CALN1: variants seen among roughly 807,000 people sequenced by gnomAD.
The protein encoded by CALN1 is calneuron 1.
In CALN1, 17 loss-of-function variants were observed where a neutral mutation model predicts 30.6. That is an observed-to-expected ratio of 0.56 (90% CI 0.38 to 0.83). CALN1 has a LOEUF of 0.83. Ranked by LOEUF, CALN1 falls within the 40% of genes least tolerant of loss-of-function variation. The pLI is 0.00. For synonymous variants in CALN1, 156 were observed against 131.4 expected, an observed-to-expected ratio of 1.19 and a Z score of -1.28; for missense variants, 291 against 354.9, an observed-to-expected ratio of 0.82 and a Z score of 1.45.
intron 5 of CALN1, among the ~76,000 whole-genome samples, chr7:72,011,312 T>G (rs1584739838): frequency 6.7e-6 from 1 of 149,316 alleles, no homozygotes. Context: ...TGGGAGGAGG[T>G]CAGGAGTGTG....
chr7:72,227,077 G>C (rs1266225305), intron 3 of CALN1, among the ~76,000 whole-genome samples: 1 of 151,932 alleles, frequency 6.6e-6, no homozygotes, highest in Non-Finnish European at 1.5e-5. Flanking sequence ...AATAGACATT[G>C]GGGAAACAGG....
At chr7:72,345,940 A>G (rs542445619) in intron 2 of CALN1, among the ~76,000 whole-genome samples, 4 of 152,320 alleles carry the variant, frequency 2.6e-5, no homozygotes, top group African/African-American at 4.8e-5. Context: ...CCGGAAAAAG[A>G]ACCGAATTAA....
intron 2 of CALN1, among the ~76,000 whole-genome samples, chr7:72,353,343 C>CA (rs1803044100): frequency 6.6e-6 from 1 of 151,938 alleles, no homozygotes; most frequent in African/African-American, 2.4e-5. Flanking sequence ...ATTAGCAAGC[C>CA]AAATCCAGCA....
intron 3 of CALN1, among the ~76,000 whole-genome samples, chr7:72,252,998 A>C (rs954662999): frequency 7.9e-5 from 12 of 152,108 alleles, no homozygotes; most frequent in Non-Finnish European, 1.5e-4. Flanking sequence ...TTATTGTCTC[A>C]TTTTTACAAG....
intron 2 of CALN1, among the ~76,000 whole-genome samples, chr7:72,377,089 T>C (rs1804605999): frequency 6.6e-6 from 1 of 152,240 alleles, no homozygotes; most frequent in South Asian, 2.1e-4. Context: ...TTGACTACTG[T>C]AGCCTTGTAG....
chr7:72,105,094 G>A (rs570095373), intron 4 of CALN1, among the ~76,000 whole-genome samples: 30 of 151,444 alleles, frequency 2.0e-4, no homozygotes, highest in Admixed American at 5.9e-4. Context: ...TTAGTTTGCC[G>A]AGGATAGTGG....
intron 5 of CALN1, among the ~76,000 whole-genome samples, chr7:71,933,698 GT>G (rs1406117020): frequency 6.6e-6 from 1 of 152,252 alleles, no homozygotes; most frequent in East Asian, 1.9e-4. Context: ...GCATTTCTAG[GT>G]TTTTATGTTC....
chr7:71,828,021 G>C (rs1265751669), intron 5 of CALN1, among the ~76,000 whole-genome samples: 1 of 152,080 alleles, frequency 6.6e-6, no homozygotes, highest in African/African-American at 2.4e-5. Flanking sequence ...TGTATCACTG[G>C]AGAACCAGAT....
chr7:72,351,226 G>T (rs1802902645), intron 2 of CALN1, among the ~76,000 whole-genome samples: 1 of 152,150 alleles, frequency 6.6e-6, no homozygotes, highest in African/African-American at 2.4e-5. Context: ...TTATAGGCCA[G>T]GAACAGTGGT....
chr7:72,029,357 G>A (rs949376948), intron 4 of CALN1, among the ~76,000 whole-genome samples: 14 of 152,112 alleles, frequency 9.2e-5, no homozygotes, highest in South Asian at 2.1e-4. Flanking sequence ...CTCGTGATCC[G>A]CCCACCTCAG....
At chr7:71,906,272 G>A (rs1160628553) in intron 5 of CALN1, among the ~76,000 whole-genome samples, 2 of 152,108 alleles carry the variant, frequency 1.3e-5, no homozygotes, top group Non-Finnish European at 1.5e-5. Context: ...GCAGCCGGGC[G>A]GAACTTTCCA....
At chr7:72,475,941 CTTTTTTTTTTTT>C in the CALN1 span, among the ~76,000 whole-genome samples, 5 of 75,850 alleles carry the variant, frequency 6.6e-5, no homozygotes, top group Admixed American at 6.8e-4. Flanking sequence ...CTCTCTCTCT[CTTTTTTTTTTTT>C]TTTTTTTTTT....
chr7:72,142,844 T>C lies in CALN1; in HGVS notation c.245-36550A>G, dbSNP rs150652792. ...ATATTCGCTGTTCTGCAGCCTCCGC[T>C]ACTGATACCCAGGCAAACAAGGTCT... On this transcript the variant is annotated intron_variant, in intron 3 of 6. Coordinates refer to ENST00000395275, the MANE Select transcript of CALN1 (RefSeq NM_031468.4). Among the ~76,000 whole-genome samples the C allele has an allele frequency of 7.7e-3, 1,170 of 152,254 alleles. 8 individuals carry two copies. Among genetic ancestry groups the C allele is most frequent in the African/African-American group, 0.024 (1,016 of 41,556 alleles).
intron 5 of CALN1, among the ~76,000 whole-genome samples, chr7:71,874,135 C>T (rs2116758911): frequency 6.6e-6 from 1 of 151,826 alleles, no homozygotes; most frequent in Non-Finnish European, 1.5e-5. Context: ...ATTAGCTGGG[C>T]GTGGTGGTGG....
At chr7:72,247,227 C>CTTCTTTTTTTTT (rs1562791287) in intron 3 of CALN1, among the ~76,000 whole-genome samples, 1 of 77,672 alleles carries the variant, frequency 1.3e-5, no homozygotes, top group Non-Finnish European at 2.3e-5. Flanking sequence ...CATTTTCTTT[C>CTTCTTTTTTTTT]TTTTTTTTTT....
chr7:72,500,416 G>T, the CALN1 span, among the ~76,000 whole-genome samples: 8 of 151,092 alleles, frequency 5.3e-5, no homozygotes, highest in Non-Finnish European at 1.2e-4. Flanking sequence ...GAGTAGCTGG[G>T]ACTGTAGGCA....
At chr7:72,287,431 ATTAATT>A (rs1798157077) in intron 2 of CALN1, among the ~76,000 whole-genome samples, 1 of 144,856 alleles carries the variant, frequency 6.9e-6, no homozygotes, top group East Asian at 2.0e-4. Flanking sequence ...CATACACCAA[ATTAATT>A]TTTTTTTTTT....
At chr7:71,999,021 C>G (rs530996125) in intron 5 of CALN1, among the ~76,000 whole-genome samples, 1 of 152,162 alleles carries the variant, frequency 6.6e-6, no homozygotes, top group African/African-American at 2.4e-5. Flanking sequence ...TGTAAATGGT[C>G]TAAGTACACC....
At chr7:72,035,286 C>T (rs1197957467) in intron 4 of CALN1, among the ~76,000 whole-genome samples, 1 of 152,118 alleles carries the variant, frequency 6.6e-6, no homozygotes, top group Admixed American at 6.5e-5. Context: ...ATTCCCCCTA[C>T]CCTCCAGCCC....
Sources: allele counts gnomAD v4.1 joint callset (sites outside exome capture counted in the v4.1 genomes callset), GRCh38; gene constraint gnomAD v4.1.1; transcripts MANE v1.5; gene names NCBI Gene and HGNC (gene_info 2026-07-23, HGNC 2026-07-21).